Variants in KRT6B observed in about 807,000 individuals in gnomAD.
KRT6B encodes keratin, type II cytoskeletal 6B.
KRT6B carries 29 observed loss-of-function variants against 44.7 expected under a neutral mutation model. The ratio of observed to expected loss-of-function variants is 0.65; its 90% confidence interval spans 0.48 to 0.88. The LOEUF (loss-of-function observed/expected upper bound fraction) is 0.88, where lower values mean the gene tolerates loss of function less well. Among genes scored for constraint, KRT6B ranks in the 40% least tolerant of loss-of-function variants. The pLI is 0.00. For missense variants in KRT6B, 600 were observed against 724.0 expected, an observed-to-expected ratio of 0.83 and a Z score of 1.97; for synonymous variants, 213 against 296.0, an observed-to-expected ratio of 0.72 and a Z score of 2.88.
In KRT6B at chr12:52,450,429, G is replaced by C; in HGVS notation, c.732C>G (p.Asp244Glu). 6.2e-7 allele frequency: 1 copy of C among 1,614,052 alleles called. No individual in the cohort carries two copies. The highest frequency in any genetic ancestry group is 1.1e-5 in the South Asian group (1 of 91,072). Residue 244 changes from aspartate to glutamate, a missense_variant, in exon 2 of 9, where the codon GAC (aspartate) becomes GAG (glutamate). Coordinates refer to ENST00000252252, the MANE Select transcript of KRT6B (RefSeq NM_005555.4). ...RLDSELRNMQ[D>E]LVEDLKNKYE... ...ACTTGTTCTTGAGGTCCTCCACCAGGTCCTGCATGTTTCTCAGCTCCGAGT... is the reference window on the plus strand; with the variant it reads ...ACTTGTTCTTGAGGTCCTCCACCAGCTCCTGCATGTTTCTCAGCTCCGAGT...
rs751265743 is a variant in KRT6B at position 52,447,763 on chromosome 12, G to C, written c.1424+15C>G. The C allele has an allele frequency of 1.2e-6, 2 of 1,614,200 alleles. No individual in the cohort carries two copies. The highest frequency in any genetic ancestry group is 2.2e-5 in the South Asian group (2 of 91,082). On this transcript the variant is annotated intron_variant, in intron 7 of 8. Coordinates refer to ENST00000252252, the MANE Select transcript of KRT6B (RefSeq NM_005555.4). ...ATGGACTCAGCTGTTGGAGGAAGTC[G>C]CGTCAGTTACCCACCTGCACTCCTC... is the stretch of plus-strand genomic sequence containing the variant.
chr12:52,449,527 T>G lies in KRT6B; in HGVS notation c.1019A>C (p.Gln340Pro). ...LDSIIAEVKAQYEEIAQRSRA... is the reference protein window; with the variant it reads ...LDSIIAEVKAPYEEIAQRSRA... Reference sequence around the variant, plus strand: ...GCTCCTCTGAGCAATCTCCTCATATTGGGCCTTGACCTCAGCGATGATGCT... The same window carrying G: ...GCTCCTCTGAGCAATCTCCTCATATGGGGCCTTGACCTCAGCGATGATGCT... The change falls in exon 5 of 9, where the codon CAA (glutamine) becomes CCA (proline). Residue 340 changes from glutamine (Q) to proline (P), a missense_variant. Around this residue, in one of 4 missense-constraint regions of KRT6B, gnomAD observed 479 missense variants for 454.2 expected, o/e 1.05. Transcript: ENST00000252252. 1.2e-6 allele frequency: 2 copies of G among 1,614,192 alleles called. No individual in the cohort carries two copies. Among genetic ancestry groups the G allele is most frequent in the Non-Finnish European group, 1.7e-6 (2 of 1,180,042 alleles).
At chr12:52,449,695 T>C (rs1940367240) in intron 4 of KRT6B, 62 bp from the exon 5 acceptor site, 2 of 1,614,214 alleles carry the variant, frequency 1.2e-6, no homozygotes, top group East Asian at 2.2e-5. Flanking sequence ...TGCCCAGCCC[T>C]GTACATCTTC....
chr12:52,448,310 T>C (rs1940345051), intron 6 of KRT6B, among the ~76,000 whole-genome samples: 1 of 152,186 alleles, frequency 6.6e-6, no homozygotes, highest in Non-Finnish European at 1.5e-5. Context: ...AAAACCATTT[T>C]TGATGACCTT....
chr12:52,448,395 G>A (rs1940346436), intron 6 of KRT6B, among the ~76,000 whole-genome samples: 1 of 152,160 alleles, frequency 6.6e-6, no homozygotes, highest in Non-Finnish European at 1.5e-5. Flanking sequence ...TTGTGACCTT[G>A]CCTTCCTCCT....
chr12:52,448,798 A>T, intron 6 of KRT6B, 44 bp downstream of exon 6: 1 of 1,613,900 alleles, frequency 6.2e-7, no homozygotes, highest in Non-Finnish European at 8.5e-7. Context: ...TCATGACCTA[A>T]TAAAAAAAAT....
At chr12:52,449,731 A>C in intron 4 of KRT6B, 27 bp downstream of exon 4, 1 of 1,614,138 alleles carries the variant, frequency 6.2e-7, no homozygotes, top group Non-Finnish European at 8.5e-7. Flanking sequence ...CCATCAGAGT[A>C]AACAGAAGGA....
In KRT6B at chr12:52,447,273, C is replaced by T. The variant is rs1374081300; in HGVS notation, c.1612G>A (p.Gly538Ser). 5 of 1,614,018 alleles carry T rather than the reference C, an allele frequency of 3.1e-6. No individual in the cohort carries two copies. Among genetic ancestry groups the T allele is most frequent in the Non-Finnish European group, 3.4e-6 (4 of 1,179,880 alleles). Reference sequence around the variant, plus strand: ...CTGCCGCCTCCAACAGAGCTGAGGCCACCCCCAGTGGCTCTGCCGCTGCTG... The same window carrying T: ...CTGCCGCCTCCAACAGAGCTGAGGCTACCCCCAGTGGCTCTGCCGCTGCTG... ...SSSSGRATGG[G>S]LSSVGGGSST... Residue 538 changes from glycine to serine, a missense_variant, in exon 9 of 9, where the codon GGC (glycine) becomes AGC (serine). Physicochemically the swap from Gly to Ser is moderately conservative, Grantham distance 56. This residue lies in a region of KRT6B where 479 missense variants were observed against 454.2 expected (regional missense o/e 1.05). Coordinates refer to ENST00000252252, the MANE Select transcript of KRT6B (RefSeq NM_005555.4).
chr12:52,448,425 G>T (rs531914113), intron 6 of KRT6B, among the ~76,000 whole-genome samples: 1 of 152,118 alleles, frequency 6.6e-6, no homozygotes, highest in African/African-American at 2.4e-5. Flanking sequence ...CCTCTCACCT[G>T]CTTGGGCCAC....
In KRT6B at chr12:52,448,966, T is replaced by G. The variant is rs760524758; in HGVS notation, c.1079A>C (p.Tyr360Ser). 6.2e-7 allele frequency: 1 copy of G among 1,612,772 alleles called. No individual in the cohort carries two copies. The highest frequency in any genetic ancestry group is 1.3e-5 in the African/African-American group (1 of 74,814). The change falls in exon 6 of 9, where the codon TAC becomes TCC. Residue 360 changes from tyrosine (Y) to serine (S), a missense_variant and splice_region_variant. By Grantham distance (144) the Tyr-to-Ser change is moderately radical (BLOSUM62 -2). Coordinates refer to ENST00000252252, the MANE Select transcript of KRT6B (RefSeq NM_005555.4). Reference protein sequence around the residue: ...AEAESWYQTKYEELQITAGRH... With the variant: ...AEAESWYQTKSEELQITAGRH... The stretch of plus-strand genomic sequence containing the variant: ...GCCTGCTGTGATCTGCAGCTCCTCG[T>G]ACTGCAGCCCAGAGGTGGAGAGAGA...
intron 3 of KRT6B, 59 bp from the exon 4 acceptor site, chr12:52,449,912 T>C (rs1378866197): frequency 3.7e-6 from 6 of 1,613,774 alleles, no homozygotes; most frequent in Non-Finnish European, 5.1e-6. Flanking sequence ...TCTACCCATC[T>C]TCTAGTCCTC....
rs777803130 is a variant in KRT6B at position 52,447,270 on chromosome 12, G to C, written c.1615C>G (p.Leu539Val). 12 of 1,613,914 alleles carry C rather than the reference G, an allele frequency of 7.4e-6. No homozygotes were observed. Among genetic ancestry groups the C allele is most frequent in the Middle Eastern group, 1.6e-4 (1 of 6,080 alleles). The change falls in exon 9 of 9, where the codon CTC (leucine) becomes GTC (valine). Residue 539 changes from leucine (L) to valine (V), a missense_variant. Coordinates refer to ENST00000252252, the MANE Select transcript of KRT6B (RefSeq NM_005555.4). ...GAACTGCCGCCTCCAACAGAGCTGA[G>C]GCCACCCCCAGTGGCTCTGCCGCTG... ...SSSGRATGGGLSSVGGGSSTI... is the reference protein window; with the variant it reads ...SSSGRATGGGVSSVGGGSSTI...
At chr12:52,449,005 G>T (rs1373649135) in intron 5 of KRT6B, 38 bp from the exon 6 acceptor site, 2 of 1,606,488 alleles carry the variant, frequency 1.2e-6, no homozygotes, top group Admixed American at 1.7e-5. Context: ...AGTGTCTACG[G>T]GTTCTTACCT....
At chr12:52,448,199 G>A (rs1384861188) in intron 6 of KRT6B, among the ~76,000 whole-genome samples, 2 of 152,086 alleles carry the variant, frequency 1.3e-5, no homozygotes, top group Non-Finnish European at 2.9e-5. Context: ...TGCCCTTTCT[G>A]TTAACTCCAC....
chr12:52,447,670 C>T, intron 7 of KRT6B, 97 bp from the exon 8 acceptor site: 3 of 1,613,882 alleles, frequency 1.9e-6, no homozygotes, highest in Non-Finnish European at 2.5e-6. Context: ...TTAGTTTTCT[C>T]CCAAGAAGAG....
At position 52,452,056 on chromosome 12, in the gene KRT6B, A is replaced by T. The variant is rs200240023; in HGVS notation, c.23T>A (p.Ile8Asn). Residue 8 changes from isoleucine to asparagine, a missense_variant, in exon 1 of 9, where the codon ATC becomes AAC. Coordinates refer to ENST00000252252, the MANE Select transcript of KRT6B (RefSeq NM_005555.4). MASTSTT[I>N]RSHSSSRRGF... ...CCGGCGGCTGCTGCTGTGGCTCCTGATGGTGGTGGATGTGCTGGCCATGGT... is the reference window on the plus strand; with the variant it reads ...CCGGCGGCTGCTGCTGTGGCTCCTGTTGGTGGTGGATGTGCTGGCCATGGT... 23 of 1,613,924 alleles carry T rather than the reference A, an allele frequency of 1.4e-5. No homozygotes were observed. Among genetic ancestry groups the T allele is most frequent in the Non-Finnish European group, 1.9e-5 (22 of 1,180,012 alleles).
chr12:52,450,163 T>G (rs1430264783), intron 2 of KRT6B, 91 bp from the exon 3 acceptor site: 1 of 1,608,578 alleles, frequency 6.2e-7, no homozygotes, highest in African/African-American at 1.3e-5. Flanking sequence ...CTGAATGGAA[T>G]ATATTCTAAT....
At position 52,447,881 on chromosome 12, in the gene KRT6B, G is replaced by C. The variant is rs137872925; in HGVS notation, c.1321C>G (p.Leu441Val). ...TGGTACTCCTTCAGCAGCCGGGCCA[G>C]GTCCTGCTTGGCCTTCTGCAGGGCA... ...EDALQKAKQD[L>V]ARLLKEYQEL... Residue 441 changes from leucine (L) to valine (V), a missense_variant, in exon 7 of 9, where the codon CTG becomes GTG. By Grantham distance (32) the Leu-to-Val change is conservative (BLOSUM62 1). Coordinates refer to ENST00000252252, the MANE Select transcript of KRT6B (RefSeq NM_005555.4). 99 of 1,614,046 alleles carry C rather than the reference G, an allele frequency of 6.1e-5. No homozygotes were observed. The Admixed American group carries it at 1.4e-3, about 23-fold the overall frequency.
chr12:52,450,115 G>A (rs1592170375), intron 2 of KRT6B, 43 bp from the exon 3 acceptor site: 1 of 1,613,782 alleles, frequency 6.2e-7, no homozygotes, highest in African/African-American at 1.3e-5. Context: ...CCAGTGGGTA[G>A]GATGAAACAG....
Sources: gnomAD v4.1 joint callset for allele counts (sites outside exome capture counted in the v4.1 genomes callset) on GRCh38, gnomAD v4.1.1 for gene constraint, gnomAD v4.1.1 regional missense constraint, MANE v1.5 for transcripts, NCBI Gene and HGNC (gene_info 2026-07-23, HGNC 2026-07-21) for gene names.